The following CSMD1 variants were observed in gnomAD, a reference collection of about 807,000 sequenced individuals.
CSMD1 encodes CUB and sushi domain-containing protein 1.
In CSMD1, 213 loss-of-function variants were observed where a neutral mutation model predicts 417.5. The observed-to-expected ratio is 0.51, with a 90% CI of 0.46 to 0.57. CSMD1 has a LOEUF of 0.57. CSMD1 is among the 20% of genes least tolerant of loss of function. The pLI, the probability that CSMD1 is intolerant of heterozygous loss-of-function variation, is 0.00. For synonymous variants in CSMD1, 2,862 were observed against 1,736.8 expected (o/e 1.65, Z -16.11); for missense variants, 6,923 against 4,529.7 (o/e 1.53, Z -15.17).
intron 5 of CSMD1, among the ~76,000 whole-genome samples, chr8:3,958,536 A>G (rs550851843): frequency 2.3e-4 from 35 of 152,236 alleles, no homozygotes; most frequent in African/African-American, 8.4e-4. Flanking sequence ...GTTTAGTTCT[A>G]TTATTCATTT....
chr8:3,603,345 A>C (rs1028767737), intron 8 of CSMD1, among the ~76,000 whole-genome samples: 1 of 152,092 alleles, frequency 6.6e-6, no homozygotes, highest in Non-Finnish European at 1.5e-5. Flanking sequence ...AAGTTGTGAA[A>C]ACACTTTGGA....
chr8:3,816,970 T>C (rs551489493), intron 5 of CSMD1, among the ~76,000 whole-genome samples: 1 of 152,206 alleles, frequency 6.6e-6, no homozygotes, highest in African/African-American at 2.4e-5. Flanking sequence ...AACCAACAAA[T>C]AAATGATTAA....
chr8:4,446,926 C>T (rs192811998), intron 2 of CSMD1, among the ~76,000 whole-genome samples: 192 of 144,752 alleles, frequency 1.3e-3, no homozygotes, highest in African/African-American at 4.8e-3. Context: ...TGGCAGAGAC[C>T]GTGTTTATTT....
At chr8:3,088,365 G>T (rs967179882) in intron 48 of CSMD1, among the ~76,000 whole-genome samples, 1 of 152,142 alleles carries the variant, frequency 6.6e-6, no homozygotes, top group Admixed American at 6.5e-5. Flanking sequence ...CTTAAGAACT[G>T]GGAATTCTCA....
rs188864913 is a variant in CSMD1, at chr8:4,747,003, G to C, written c.86-109445C>G. 9.2e-5 allele frequency among the ~76,000 whole-genome samples: 14 copies of C among 152,314 alleles called. No homozygotes were observed. In the East Asian group the frequency reaches 1.9e-3, roughly 21 times the overall value. ...ATAATTTCTCAAGCAGGGAACTCGT[G>C]AGAAGGCGGTTCAGAGAAGCCACTG... is the stretch of plus-strand genomic sequence containing the variant. On this transcript the variant is annotated intron_variant, in intron 1 of 69. Transcript: ENST00000635120.
At chr8:4,877,054 T>C (rs981245052) in intron 1 of CSMD1, among the ~76,000 whole-genome samples, 1 of 152,080 alleles carries the variant, frequency 6.6e-6, no homozygotes, top group African/African-American at 2.4e-5. Context: ...TATGTGGAGA[T>C]TAATTTTAAC....
chr8:4,795,615 AAC>A (rs756156777), intron 1 of CSMD1, among the ~76,000 whole-genome samples: 46 of 151,870 alleles, frequency 3.0e-4, no homozygotes, highest in Non-Finnish European at 6.2e-4. Flanking sequence ...TAACCATAAC[AAC>A]ACACACTTGT....
chr8:4,231,347 C>T (rs2128814112), intron 3 of CSMD1, among the ~76,000 whole-genome samples: 1 of 152,238 alleles, frequency 6.6e-6, no homozygotes, highest in South Asian at 2.1e-4. Flanking sequence ...CAATAAATCA[C>T]CTAGCATTGC....
rs1811459074 is a variant in CSMD1, at chr8:4,753,326, G to A, written c.86-115768C>T. Among the ~76,000 whole-genome samples, 3 of 151,786 alleles carry A rather than the reference G, an allele frequency of 2.0e-5. No homozygotes were observed. The South Asian group carries it at 6.2e-4, about 32-fold the overall frequency. The stretch of plus-strand genomic sequence containing the variant: ...ATACATTTAAATGACCAGGATAAAA[G>A]GGGCTAGCACTGTCTGCTTTCATTT... On this transcript the variant is annotated intron_variant, in intron 1 of 69. Transcript: ENST00000635120.
intron 3 of CSMD1, among the ~76,000 whole-genome samples, chr8:4,370,479 C>T (rs1802333133): frequency 6.6e-6 from 1 of 152,124 alleles, no homozygotes; most frequent in African/African-American, 2.4e-5. Flanking sequence ...ATTTGCATGG[C>T]AACTGTCCTA....
At position 4,536,474 on chromosome 8, in the gene CSMD1, T is replaced by C. The variant is rs185958779; in HGVS notation, c.302+100868A>G. ...AGTTTCAGCCTAGGTGCATCCTTCT[T>C]GTACTTTCTCTACCTTGTCTTTTTC... On this transcript the variant is annotated intron_variant, in intron 2 of 69. Coordinates refer to ENST00000635120, the MANE Select transcript of CSMD1 (RefSeq NM_033225.6). Among the ~76,000 whole-genome samples, 5 of 152,246 alleles carry C rather than the reference T, an allele frequency of 3.3e-5. No individual in the cohort carries two copies. In the East Asian group the frequency reaches 9.6e-4, roughly 29 times the overall value.
intron 1 of CSMD1, among the ~76,000 whole-genome samples, chr8:4,694,630 T>C (rs1806998149): frequency 6.6e-6 from 1 of 151,988 alleles, no homozygotes; most frequent in African/African-American, 2.4e-5. Context: ...TCCAAAGTAC[T>C]AGGATTACAG....
rs1299367312 is a variant in CSMD1, at chr8:4,267,050, C to T, written c.415+152903G>A. ...CCTAGTAATGTAACAGAAACCATTCCTGTTAAAGAGACAAGAATAGAGTGT... is the reference window on the plus strand; with the variant it reads ...CCTAGTAATGTAACAGAAACCATTCTTGTTAAAGAGACAAGAATAGAGTGT... On this transcript the variant is annotated intron_variant, in intron 3 of 69. Transcript: ENST00000635120. Among the ~76,000 whole-genome samples the T allele has an allele frequency of 3.9e-5, 4 of 103,500 alleles. 2 individuals carry two copies. Among genetic ancestry groups the T allele is most frequent in the Non-Finnish European group, 1.0e-4 (4 of 38,454 alleles). 67.9% of individuals were successfully genotyped at this position (103,500 alleles called of 152,430 possible).
At chr8:3,905,662 C>A (rs903543192) in intron 5 of CSMD1, among the ~76,000 whole-genome samples, 1 of 152,172 alleles carries the variant, frequency 6.6e-6, no homozygotes, top group African/African-American at 2.4e-5. Flanking sequence ...GCTCATACTG[C>A]CAGTCCAGGA....
At chr8:3,444,564 G>A (rs560391250) in intron 12 of CSMD1, among the ~76,000 whole-genome samples, 2 of 152,082 alleles carry the variant, frequency 1.3e-5, no homozygotes, top group African/African-American at 4.8e-5. Flanking sequence ...TGAGGGTGAG[G>A]ATGCTACTGG....
chr8:3,587,109 A>T (rs1252423823), intron 8 of CSMD1, among the ~76,000 whole-genome samples: 1 of 152,216 alleles, frequency 6.6e-6, no homozygotes, highest in Non-Finnish European at 1.5e-5. Context: ...TGTGTTTTAG[A>T]AGAAAGCAAT....
chr8:3,975,020 A>G lies in CSMD1; in HGVS notation c.818+22883T>C, dbSNP rs139909058. ...GTTCTTTGCAGTGAAAATGGAATATAAATTTTAAAGTATTTTAAATCTTAT... is the reference window on the plus strand; with the variant it reads ...GTTCTTTGCAGTGAAAATGGAATATGAATTTTAAAGTATTTTAAATCTTAT... On this transcript the variant is annotated intron_variant, in intron 5 of 69. Coordinates refer to ENST00000635120, the MANE Select transcript of CSMD1 (RefSeq NM_033225.6). Among the ~76,000 whole-genome samples, 1,443 of 152,314 alleles carry G rather than the reference A, an allele frequency of 9.5e-3. 27 individuals are homozygous for G. The highest frequency in any genetic ancestry group is 0.033 in the African/African-American group (1,353 of 41,556).
chr8:4,236,198 C>A (rs977829022), intron 3 of CSMD1, among the ~76,000 whole-genome samples: 1 of 151,924 alleles, frequency 6.6e-6, no homozygotes, highest in Non-Finnish European at 1.5e-5. Flanking sequence ...ACATGATGTA[C>A]GTCTGCGGGA....
At chr8:3,796,796 C>G (rs890820319) in intron 5 of CSMD1, among the ~76,000 whole-genome samples, 5 of 151,136 alleles carry the variant, frequency 3.3e-5, no homozygotes, top group African/African-American at 4.8e-5. Context: ...ATTCCATTCA[C>G]TTCATTTTCA....
Sources: gnomAD v4.1 joint callset for allele counts (sites outside exome capture counted in the v4.1 genomes callset) on GRCh38, gnomAD v4.1.1 for gene constraint, MANE v1.5 for transcripts, NCBI Gene and HGNC (gene_info 2026-07-23, HGNC 2026-07-21) for gene names.